The following POFUT1 variants were observed in gnomAD, a reference collection of about 807,000 sequenced individuals.
POFUT1 encodes the protein protein O-fucosyltransferase 1.
Under a neutral mutation model 42.4 loss-of-function variants are expected in POFUT1, and 16 were observed. That is an observed-to-expected ratio of 0.38 (90% CI 0.26 to 0.57). The LOEUF (loss-of-function observed/expected upper bound fraction) is 0.57. Among genes scored for constraint, POFUT1 ranks in the 20% least tolerant of loss-of-function variants. The probability of loss-of-function intolerance (pLI) is 0.71; values close to 1 mark genes in which losing one functional copy is unlikely to be tolerated. For synonymous variants in POFUT1, 206 were observed against 205.4 expected (o/e 1.00, Z -0.03); for missense variants, 470 against 504.6 (o/e 0.93, Z 0.66).
In POFUT1 at chr20:32,234,695, A is replaced by AG. The variant is rs1057216369; in HGVS notation, c.*37dup. 3 of 1,548,628 alleles carry AG rather than the reference A, an allele frequency of 1.9e-6. No individual in the cohort carries two copies. The highest frequency in any genetic ancestry group is 2.6e-6 in the Non-Finnish European group (3 of 1,141,340). On this transcript the variant is annotated 3_prime_UTR_variant, in exon 7 of 7. Transcript: ENST00000375749. Reference sequence around the variant, plus strand: ...GGAGCACCAGACCCTCTGATCCTGGAGGGACCAGAGTCTGAGCTGGTCCTT... The same window carrying AG: ...GGAGCACCAGACCCTCTGATCCTGGAGGGGACCAGAGTCTGAGCTGGTCCTT...
At chr20:32,222,721 C>T (rs1176270044) in intron 4 of POFUT1, 5 of 985,310 alleles carry the variant, frequency 5.1e-6, no homozygotes, top group African/African-American at 1.7e-5. Context: ...AGGATCCTTC[C>T]AGCTCTGCTC....
intron 4 of POFUT1, among the ~76,000 whole-genome samples, chr20:32,226,452 CTGTGTGTGTG>C (rs33999719): frequency 4.7e-5 from 7 of 147,732 alleles, no homozygotes; most frequent in East Asian, 2.0e-4. Context: ...GAGTGCATGC[CTGTGTGTGTG>C]TGTGTGTGTG....
chr20:32,224,595 G>C (rs558645633), intron 4 of POFUT1, among the ~76,000 whole-genome samples: 2 of 152,270 alleles, frequency 1.3e-5, no homozygotes, highest in African/African-American at 4.8e-5. Flanking sequence ...AGTGGCTGCA[G>C]GGCATATCAT....
chr20:32,233,747 G>T (rs751560366), intron 6 of POFUT1, among the ~76,000 whole-genome samples: 6 of 152,186 alleles, frequency 3.9e-5, no homozygotes, highest in Non-Finnish European at 8.8e-5. Context: ...ACGGACCTTG[G>T]GCTTGGATTT....
chr20:32,235,482 C>A lies in POFUT1; in HGVS notation c.*821C>A, dbSNP rs2047465263. ...CTTCTGATCTCTTGCCCCAGTGGGG[C>A]CTGGTTGGTAGAATGTTGGCATTCG... is the stretch of plus-strand genomic sequence containing the variant. On this transcript the variant is annotated 3_prime_UTR_variant, in exon 7 of 7. Coordinates refer to ENST00000375749, the MANE Select transcript of POFUT1 (RefSeq NM_015352.2). The A allele has an allele frequency of 6.6e-6, 1 of 152,266 alleles. No individual in the cohort carries two copies. Among genetic ancestry groups the A allele is most frequent in the Non-Finnish European group, 1.5e-5 (1 of 68,060 alleles). The allele number at this position is 152,266 out of a possible 1,614,324, so 9.4% of individuals were successfully genotyped here.
At chr20:32,222,739 G>A (rs926949209) in intron 4 of POFUT1, 1 of 985,478 alleles carries the variant, frequency 1.0e-6, no homozygotes, top group Non-Finnish European at 1.2e-6. Flanking sequence ...CTCGTTCTGA[G>A]CCTGTGAATA....
At chr20:32,229,922 C>T (rs1030213119) in intron 5 of POFUT1, among the ~76,000 whole-genome samples, 8 of 152,134 alleles carry the variant, frequency 5.3e-5, no homozygotes, top group African/African-American at 1.4e-4. Context: ...AGACCACAGG[C>T]GCACATCACC....
chr20:32,212,748 T>G (rs2047336453), intron 2 of POFUT1, among the ~76,000 whole-genome samples: 1 of 152,124 alleles, frequency 6.6e-6, no homozygotes, highest in South Asian at 2.1e-4. Context: ...ACCCAGCTAA[T>G]TTTTTGTATT....
At position 32,230,808 on chromosome 20, in the gene POFUT1, G is replaced by A. The variant is rs200896099; in HGVS notation, c.736-11G>A. ...TTGCCAGTATTTAACCCTGTTCCCC[G>A]CTCTCCGTAGAAGAACGCCTGTGCC... On this transcript the variant is annotated splice_polypyrimidine_tract_variant and intron_variant, in intron 5 of 6. Coordinates refer to ENST00000375749, the MANE Select transcript of POFUT1 (RefSeq NM_015352.2). 1.8e-3 allele frequency: 2,863 copies of A among 1,611,434 alleles called. 3 individuals are homozygous for A. Among genetic ancestry groups the A allele is most frequent in the Non-Finnish European group, 2.2e-3 (2,624 of 1,179,880 alleles).
intron 5 of POFUT1, among the ~76,000 whole-genome samples, chr20:32,228,826 G>A (rs889598744): frequency 2.0e-5 from 3 of 152,186 alleles, no homozygotes; most frequent in African/African-American, 2.4e-5. Context: ...ATGAGGCATG[G>A]CTCCCAAGAA....
intron 4 of POFUT1, chr20:32,222,621 T>A: frequency 1.0e-6 from 1 of 985,416 alleles, no homozygotes; most frequent in Non-Finnish European, 1.2e-6. Context: ...ATAAGAAGTG[T>A]CTTTATTTTA....
intron 5 of POFUT1, among the ~76,000 whole-genome samples, chr20:32,229,087 C>T (rs1223133730): frequency 1.3e-5 from 2 of 152,154 alleles, no homozygotes; most frequent in Non-Finnish European, 2.9e-5. Flanking sequence ...TCCTCTTTCC[C>T]CCAGCCCCCA....
In POFUT1 at chr20:32,208,047, C is replaced by T; in HGVS notation, c.106C>T (p.Leu36Phe). 1 of 1,563,838 alleles carries T rather than the reference C, an allele frequency of 6.4e-7. No individual in the cohort carries two copies. Among genetic ancestry groups the T allele is most frequent in the Admixed American group, 1.9e-5 (1 of 53,962 alleles). ...CTCCTGGGACCCGGCCGGTTACCTGCTCTACTGCCCCTGCATGGGTAAGGC... is the reference window on the plus strand; with the variant it reads ...CTCCTGGGACCCGGCCGGTTACCTGTTCTACTGCCCCTGCATGGGTAAGGC... ...AGSWDPAGYL[L>F]YCPCMGRFGN... Residue 36 changes from leucine to phenylalanine, a missense_variant, in exon 1 of 7, where the codon CTC (leucine) becomes TTC (phenylalanine). Leu to Phe is a conservative substitution (Grantham distance 22). Transcript: ENST00000375749.
chr20:32,219,680 G>A (rs1337596024), intron 4 of POFUT1, among the ~76,000 whole-genome samples: 1 of 151,624 alleles, frequency 6.6e-6, no homozygotes. Context: ...TGTATTTTTA[G>A]TAGAGACGGG....
At position 32,214,308 on chromosome 20, in the gene POFUT1, A is replaced by G. The variant is rs1405660660; in HGVS notation, c.247-961A>G. On this transcript the variant is annotated intron_variant, in intron 2 of 6. Transcript: ENST00000375749. The stretch of plus-strand genomic sequence containing the variant: ...CCCAGCTAATTTTTTTATTTTTTGT[A>G]GAGACAGGGTCTCGCTATGTTGTCT... Among the ~76,000 whole-genome samples, 4 of 152,054 alleles carry G rather than the reference A, an allele frequency of 2.6e-5. 1 individual carries two copies. The highest frequency in any genetic ancestry group is 9.7e-5 in the African/African-American group (4 of 41,450).
chr20:32,207,947 C>T lies in POFUT1; in HGVS notation c.6C>T (p.Gly2=), dbSNP rs1330497504. M[G]AAAWARPLSV... ...GCTCGGGTTCCCGGGCCGACATGGG[C>T]GCCGCCGCGTGGGCACGGCCGCTGA... Residue 2 remains glycine (G), a synonymous_variant, in exon 1 of 7, where the codon GGC becomes GGT. Coordinates refer to ENST00000375749, the MANE Select transcript of POFUT1 (RefSeq NM_015352.2). The T allele has an allele frequency of 1.8e-5, 29 of 1,587,570 alleles. No homozygotes were observed. The highest frequency in any genetic ancestry group is 2.4e-5 in the Non-Finnish European group (28 of 1,175,078).
intron 5 of POFUT1, among the ~76,000 whole-genome samples, chr20:32,230,241 G>T (rs2047435394): frequency 6.6e-6 from 1 of 152,004 alleles, no homozygotes. Flanking sequence ...CAAAAAATTA[G>T]CTGGGCGTGG....
At chr20:32,216,494 G>C (rs2047361074) in intron 3 of POFUT1, 115 bp from the exon 4 acceptor site, 3 of 673,176 alleles carry the variant, frequency 4.5e-6, no homozygotes, top group Non-Finnish European at 8.1e-6. Flanking sequence ...CATCCTGTGA[G>C]AGTGTTTTGG....
intron 1 of POFUT1, among the ~76,000 whole-genome samples, chr20:32,208,506 T>A (rs550387506): frequency 2.4e-4 from 36 of 152,130 alleles, no homozygotes; most frequent in African/African-American, 8.7e-4. Context: ...TCATTTTAGT[T>A]GGGGAAGACA....
Sources: allele counts gnomAD v4.1 joint callset (sites outside exome capture counted in the v4.1 genomes callset), GRCh38; gene constraint gnomAD v4.1.1; transcripts MANE v1.5; gene names NCBI Gene and HGNC (gene_info 2026-07-23, HGNC 2026-07-21).